GABRB1: variants seen among roughly 807,000 people sequenced by gnomAD.
The protein encoded by GABRB1 is gamma-aminobutyric acid type A receptor subunit beta1, also known as gamma-aminobutyric acid receptor subunit beta-1.
Under a neutral mutation model 51.6 loss-of-function variants are expected in GABRB1, and 17 were observed. The observed-to-expected ratio is 0.33, with a 90% confidence interval of 0.23 to 0.49. The LOEUF is 0.49. Among genes scored for constraint, GABRB1 ranks in the 20% least tolerant of loss-of-function variants. The probability of loss-of-function intolerance (pLI) is 0.99; values close to 1 mark genes in which losing one functional copy is unlikely to be tolerated. For synonymous variants in GABRB1, 247 were observed against 218.9 expected (o/e 1.13, Z -1.14); for missense variants, 410 against 600.6 (o/e 0.68, Z 3.32).
chr4:46,995,208 C>T (rs2109420851), intron 1 of GABRB1, among the ~76,000 whole-genome samples: 1 of 152,246 alleles, frequency 6.6e-6, no homozygotes, highest in Admixed American at 6.5e-5. Context: ...CAATGAATTG[C>T]TTGTTCTCAG....
intron 4 of GABRB1, among the ~76,000 whole-genome samples, chr4:47,306,167 C>A (rs1164990912): frequency 1.4e-5 from 2 of 146,758 alleles, no homozygotes; most frequent in East Asian, 2.0e-4. Context: ...GAAAGATAGA[C>A]AAAAGATGGA....
intron 1 of GABRB1, among the ~76,000 whole-genome samples, chr4:47,008,149 A>G (rs1471718300): frequency 6.6e-6 from 1 of 152,086 alleles, no homozygotes; most frequent in East Asian, 1.9e-4. Context: ...TTAGCAAGAA[A>G]TGACTCCCAG....
intron 3 of GABRB1, among the ~76,000 whole-genome samples, chr4:47,083,740 T>G (rs1727950129): frequency 6.6e-6 from 1 of 152,158 alleles, no homozygotes. Context: ...CTCCTATCTT[T>G]GGAACCTTGG....
At chr4:47,120,306 C>CCCACTTTCAGTACTTGGTTTTTATCAAA (rs1359351573) in intron 3 of GABRB1, among the ~76,000 whole-genome samples, 14 of 152,110 alleles carry the variant, frequency 9.2e-5, no homozygotes, top group Admixed American at 5.9e-4. Context: ...GAATTCAACA[C>CCCACTTTCAGTACTTGGTTTTTATCAAA]CCACTTTCAG....
At chr4:47,389,559 G>T (rs1727915832) in intron 5 of GABRB1, among the ~76,000 whole-genome samples, 1 of 152,290 alleles carries the variant, frequency 6.6e-6, no homozygotes, top group East Asian at 1.9e-4. Context: ...AACATTAAAT[G>T]GGTTGTTGCA....
chr4:47,118,527 T>C (rs1037733403), intron 3 of GABRB1, among the ~76,000 whole-genome samples: 2 of 152,190 alleles, frequency 1.3e-5, no homozygotes, highest in Non-Finnish European at 2.9e-5. Flanking sequence ...ACTATCTTGT[T>C]CACTGAAATG....
chr4:47,181,447 A>G (rs1174613080), intron 4 of GABRB1, among the ~76,000 whole-genome samples: 1 of 152,050 alleles, frequency 6.6e-6, no homozygotes, highest in East Asian at 1.9e-4. Context: ...AATTATATGT[A>G]AACCAAAGTC....
At chr4:47,236,213 C>T (rs1410517437) in intron 4 of GABRB1, among the ~76,000 whole-genome samples, 1 of 152,002 alleles carries the variant, frequency 6.6e-6, no homozygotes, top group South Asian at 2.1e-4. Context: ...AATCCGAAAG[C>T]TTTGTTAATT....
chr4:47,328,727 T>C (rs887852067), intron 5 of GABRB1, among the ~76,000 whole-genome samples: 2 of 149,654 alleles, frequency 1.3e-5, no homozygotes, highest in East Asian at 3.9e-4. Context: ...TGAGAACACA[T>C]GGACACAGGA....
intron 3 of GABRB1, among the ~76,000 whole-genome samples, chr4:47,111,580 C>T (rs1043445594): frequency 6.6e-6 from 1 of 152,022 alleles, no homozygotes; most frequent in African/African-American, 2.4e-5. Flanking sequence ...AAATCCATTG[C>T]AGGCCAAGCA....
chr4:47,140,092 TAA>T (rs1491547985), intron 3 of GABRB1, among the ~76,000 whole-genome samples: 2 of 96,362 alleles, frequency 2.1e-5, no homozygotes, highest in Non-Finnish European at 4.0e-5. Context: ...TAAATTAAAT[TAA>T]CACACACACA....
chr4:47,386,083 A>G (rs1233434494), intron 5 of GABRB1, among the ~76,000 whole-genome samples: 2 of 152,170 alleles, frequency 1.3e-5, no homozygotes, highest in African/African-American at 4.8e-5. Context: ...GGCATGATGG[A>G]TTATTAACTC....
chr4:47,146,168 T>G (rs1488076884), intron 3 of GABRB1, among the ~76,000 whole-genome samples: 3 of 152,050 alleles, frequency 2.0e-5, no homozygotes, highest in Admixed American at 6.6e-5. Flanking sequence ...TTCAATTTTC[T>G]GTATCTTCCA....
chr4:47,238,736 T>A (rs1221554345), intron 4 of GABRB1, among the ~76,000 whole-genome samples: 1 of 152,162 alleles, frequency 6.6e-6, no homozygotes, highest in African/African-American at 2.4e-5. Context: ...GTAAAAAAAA[T>A]TAATAGAATT....
At chr4:47,124,872 A>C (rs544398971) in intron 3 of GABRB1, among the ~76,000 whole-genome samples, 5 of 152,280 alleles carry the variant, frequency 3.3e-5, no homozygotes, top group Non-Finnish European at 5.9e-5. Flanking sequence ...AGATACCATC[A>C]AGCAAACAAA....
At chr4:47,161,192 C>A in intron 3 of GABRB1, 57 bp from the exon 4 acceptor site, 1 of 1,156,196 alleles carries the variant, frequency 8.6e-7, no homozygotes, top group South Asian at 1.4e-5. Context: ...GTTATTAAAC[C>A]TTAGATGATA....
chr4:47,181,766 A>T (rs910591748), intron 4 of GABRB1, among the ~76,000 whole-genome samples: 1 of 152,044 alleles, frequency 6.6e-6, no homozygotes, highest in African/African-American at 2.4e-5. Flanking sequence ...AGATTTAATG[A>T]CATTTGTTTT....
At chr4:47,339,164 A>C (rs1285209981) in intron 5 of GABRB1, among the ~76,000 whole-genome samples, 1 of 152,246 alleles carries the variant, frequency 6.6e-6, no homozygotes, top group Non-Finnish European at 1.5e-5. Flanking sequence ...AATGTAATGC[A>C]GGAGTGATAA....
At chr4:47,080,546 A>T (rs1389085803) in intron 3 of GABRB1, among the ~76,000 whole-genome samples, 1 of 152,190 alleles carries the variant, frequency 6.6e-6, no homozygotes, top group Non-Finnish European at 1.5e-5. Flanking sequence ...TGTCCTAAGT[A>T]ACTCAAGTTC....
Sources: gnomAD v4.1 joint callset for allele counts (sites outside exome capture counted in the v4.1 genomes callset) on GRCh38, gnomAD v4.1.1 for gene constraint, MANE v1.5 for transcripts, NCBI Gene and HGNC (gene_info 2026-07-23, HGNC 2026-07-21) for gene names.